CACNA1C: variants seen among roughly 807,000 people sequenced by gnomAD.
CACNA1C encodes calcium voltage-gated channel subunit alpha1 C, also known as voltage-dependent L-type calcium channel subunit alpha-1C.
CACNA1C carries 30 observed loss-of-function variants against 229.0 expected under a neutral mutation model. The ratio of observed to expected loss-of-function variants is 0.13; its 90% CI spans 0.10 to 0.18. The LOEUF (loss-of-function observed/expected upper bound fraction) is 0.18, where lower values mean the gene tolerates loss of function less well. Among genes scored for constraint, CACNA1C ranks in the 10% least tolerant of loss-of-function variants. The pLI is 1.00. For synonymous variants in CACNA1C, 1,114 were observed against 1,132.5 expected, an observed-to-expected ratio of 0.98 and a Z score of 0.33; for missense variants, 1,658 against 2,845.0, an observed-to-expected ratio of 0.58 and a Z score of 9.49.
chr12:2,124,705 C>T (rs369602934), intron 3 of CACNA1C, among the ~76,000 whole-genome samples: 19 of 152,184 alleles, frequency 1.2e-4, no homozygotes, highest in African/African-American at 3.6e-4. Context: ...CTTGCCTGGA[C>T]GGGTAACCAG....
intron 5 of CACNA1C, among the ~76,000 whole-genome samples, chr12:2,468,752 T>C (rs1031907623): frequency 1.3e-5 from 2 of 152,198 alleles, no homozygotes; most frequent in Non-Finnish European, 2.9e-5. Context: ...TGTGATGGGG[T>C]GGGAGGCACT....
intron 1 of CACNA1C, among the ~76,000 whole-genome samples, chr12:2,028,984 A>G (rs1347036017): frequency 6.6e-6 from 1 of 152,190 alleles, no homozygotes; most frequent in African/African-American, 2.4e-5. Flanking sequence ...GACCGTGGTC[A>G]TGGATGTGTG....
At chr12:2,240,859 C>T (rs2069733777) in intron 3 of CACNA1C, among the ~76,000 whole-genome samples, 1 of 152,120 alleles carries the variant, frequency 6.6e-6, no homozygotes, top group Non-Finnish European at 1.5e-5. Flanking sequence ...ACCCAACTCC[C>T]TCAGGGCCTG....
chr12:2,347,197 T>G (rs544565437), intron 3 of CACNA1C, among the ~76,000 whole-genome samples: 1 of 152,176 alleles, frequency 6.6e-6, no homozygotes, highest in Non-Finnish European at 1.5e-5. Context: ...AATGGATGAA[T>G]GAATGAACAA....
intron 3 of CACNA1C, among the ~76,000 whole-genome samples, chr12:2,127,234 C>T (rs1432052438): frequency 1.3e-5 from 2 of 152,144 alleles, no homozygotes; most frequent in East Asian, 3.9e-4. Context: ...TGGGGCCCTG[C>T]ACTTGGACCA....
intron 3 of CACNA1C, among the ~76,000 whole-genome samples, chr12:2,382,235 A>G (rs1238263911): frequency 6.6e-6 from 1 of 152,178 alleles, no homozygotes; most frequent in Non-Finnish European, 1.5e-5. Flanking sequence ...AACCATGGAT[A>G]TTTTCTTATC....
At chr12:2,339,579 C>A (rs1206246744) in intron 3 of CACNA1C, among the ~76,000 whole-genome samples, 1 of 152,070 alleles carries the variant, frequency 6.6e-6, no homozygotes, top group Non-Finnish European at 1.5e-5. Context: ...AAAATACTCT[C>A]TTTATATCCT....
chr12:2,340,772 A>G (rs2154521424), intron 3 of CACNA1C, among the ~76,000 whole-genome samples: 1 of 152,028 alleles, frequency 6.6e-6, no homozygotes, highest in South Asian at 2.1e-4. Context: ...CCTGGTTAAC[A>G]CGGTGAAACC....
Position 2,689,150 on chromosome 12 carries a change from C to T in CACNA1C, c.6117+371C>T, listed in dbSNP as rs1392968880. Among the ~76,000 whole-genome samples, 1 of 152,140 alleles carries T rather than the reference C, an allele frequency of 6.6e-6. No homozygotes were observed. The highest frequency in any genetic ancestry group is 1.9e-4 in the East Asian group (1 of 5,174). On this transcript the variant is annotated intron_variant, in intron 46 of 46. Coordinates refer to ENST00000399655, the MANE Select transcript of CACNA1C (RefSeq NM_000719.7). This position sits in a 1 kb window ranked among gnomAD's most constrained non-coding sequence, Gnocchi z 4.2. ...CATCACCTGGGGAGCTTTGGAAACC[C>T]GGGACAGATTAACTGATGATTGTTA... is the stretch of plus-strand genomic sequence containing the variant.
intron 3 of CACNA1C, among the ~76,000 whole-genome samples, chr12:2,396,703 G>A (rs974521607): frequency 2.6e-5 from 4 of 152,208 alleles, no homozygotes; most frequent in East Asian, 1.9e-4. Flanking sequence ...CACAGCAGGC[G>A]CCTCTTGGCC....
At chr12:2,061,458 G>C (rs1175317975) in intron 1 of CACNA1C, among the ~76,000 whole-genome samples, 1 of 152,210 alleles carries the variant, frequency 6.6e-6, no homozygotes, top group Non-Finnish European at 1.5e-5. Flanking sequence ...GTGAACCATT[G>C]GTTGAGATGG....
At chr12:2,656,993 G>A (rs1201808241) in intron 34 of CACNA1C, among the ~76,000 whole-genome samples, 1 of 152,130 alleles carries the variant, frequency 6.6e-6, no homozygotes, top group African/African-American at 2.4e-5. Flanking sequence ...TTTTGAATCT[G>A]GCCCTCTAAA....
intron 3 of CACNA1C, among the ~76,000 whole-genome samples, chr12:2,371,985 A>G (rs2097881229): frequency 6.6e-6 from 1 of 152,198 alleles, no homozygotes; most frequent in African/African-American, 2.4e-5. Context: ...CATGAAGGAA[A>G]TAGAATATTG....
chr12:2,535,583 G>A (rs138429004), intron 9 of CACNA1C, among the ~76,000 whole-genome samples: 4,500 of 145,926 alleles, frequency 0.031, 71 homozygotes, highest in Middle Eastern at 0.091. Flanking sequence ...GTGTGGGCCT[G>A]TAATCCTAGC....
rs1413881066 is a variant in CACNA1C at position 2,630,426 on chromosome 12, G to C, written c.3829-3871G>C. The stretch of plus-strand genomic sequence containing the variant: ...TATTCCTCCTAGGACCCAACCACCT[G>C]GGGACTTGGGGACCAGCAGGAAGGA... On this transcript the variant is annotated intron_variant, in intron 29 of 46. Transcript: ENST00000399655. The surrounding 1 kb of genome is among the most constrained non-coding windows in gnomAD (Gnocchi z 5.4). Among the ~76,000 whole-genome samples, 2 of 152,156 alleles carry C rather than the reference G, an allele frequency of 1.3e-5. No homozygotes were observed. The highest frequency in any genetic ancestry group is 6.5e-5 in the Admixed American group (1 of 15,276).
intron 30 of CACNA1C, among the ~76,000 whole-genome samples, chr12:2,634,747 G>A (rs898103559): frequency 3.3e-5 from 5 of 151,934 alleles, no homozygotes; most frequent in Admixed American, 1.3e-4. Context: ...CTGGGGCAGG[G>A]ACCCAAACCT....
At chr12:2,135,568 G>C (rs1353742994) in intron 3 of CACNA1C, among the ~76,000 whole-genome samples, 6 of 133,428 alleles carry the variant, frequency 4.5e-5, no homozygotes, top group South Asian at 2.3e-4. Context: ...ACCCTGCTGT[G>C]AGAGGTGTCA....
At chr12:2,089,887 G>A (rs2069679171) in intron 1 of CACNA1C, among the ~76,000 whole-genome samples, 1 of 152,050 alleles carries the variant, frequency 6.6e-6, no homozygotes, top group African/African-American at 2.4e-5. Context: ...AAATTAGCCG[G>A]GCGTGGTGGC....
chr12:2,272,902 G>A (rs1485634582), intron 3 of CACNA1C, among the ~76,000 whole-genome samples: 1 of 152,236 alleles, frequency 6.6e-6, no homozygotes, highest in African/African-American at 2.4e-5. Flanking sequence ...AGGCAAACAA[G>A]ACTCTGATGT....
Sources: allele counts gnomAD v4.1 joint callset (sites outside exome capture counted in the v4.1 genomes callset), GRCh38; gene constraint gnomAD v4.1.1; non-coding constraint Gnocchi (gnomAD v3.1); transcripts MANE v1.5; gene names NCBI Gene and HGNC (gene_info 2026-07-23, HGNC 2026-07-21).